Variants in CBFB observed in about 807,000 individuals in gnomAD.
CBFB encodes core-binding factor subunit beta.
In CBFB, 9 loss-of-function variants were observed where a neutral mutation model predicts 30.4. The observed-to-expected ratio is 0.30, with a 90% CI of 0.18 to 0.52. The LOEUF (loss-of-function observed/expected upper bound fraction) is 0.52. Ranked by LOEUF, CBFB falls within the 20% of genes least tolerant of loss-of-function variation. The pLI, the probability that CBFB is intolerant of heterozygous loss-of-function variation, is 0.97. For synonymous variants in CBFB, 94 were observed against 84.0 expected (o/e 1.12, Z -0.65); for missense variants, 170 against 244.0 (o/e 0.70, Z 2.02).
At chr16:67,047,905 C>G (rs1966658141) in intron 3 of CBFB, among the ~76,000 whole-genome samples, 1 of 152,070 alleles carries the variant, frequency 6.6e-6, no homozygotes, top group Admixed American at 6.6e-5. Flanking sequence ...CCCGTCTCTA[C>G]TAGGAATGCA....
In CBFB at chr16:67,072,774, C is replaced by CT. The variant is rs764406221; in HGVS notation, c.399+5989dup. ...AGCCACCATGCCCGGCCTCTTTTTT[C>CT]TTTTTTTTTTTTTAGCGACAGAGTC... On this transcript the variant is annotated intron_variant, in intron 4 of 5. Transcript: ENST00000412916. 2.0e-3 allele frequency among the ~76,000 whole-genome samples: 285 copies of CT among 141,182 alleles called. 2 individuals carry two copies. Among genetic ancestry groups the CT allele is most frequent in the Middle Eastern group, 0.011 (3 of 270 alleles). 92.6% of individuals were successfully genotyped at this position (141,182 alleles called of 152,430 possible). A position where few individuals can be genotyped will look rare whatever the true frequency, so the allele number is the denominator to read the frequency against.
intron 5 of CBFB, among the ~76,000 whole-genome samples, chr16:67,096,752 A>G (rs1962056743): frequency 1.3e-5 from 2 of 151,790 alleles, no homozygotes; most frequent in Non-Finnish European, 2.9e-5. Flanking sequence ...GGGCGGGTGA[A>G]TCACGAGGTC....
intron 4 of CBFB, among the ~76,000 whole-genome samples, chr16:67,075,211 G>A (rs1025815682): frequency 3.2e-4 from 43 of 135,156 alleles, no homozygotes; most frequent in South Asian, 6.8e-4. Context: ...GTGTGTGTGT[G>A]TGTGTGTGTG....
intron 4 of CBFB, among the ~76,000 whole-genome samples, chr16:67,076,687 G>C (rs1961407509): frequency 6.6e-6 from 1 of 152,062 alleles, no homozygotes; most frequent in African/African-American, 2.4e-5. Context: ...TGCCACACTT[G>C]GTTTTTTAAT....
rs1961584997 is a variant in CBFB, at chr16:67,082,285, A to G, written c.472A>G (p.Arg158Gly). ...GACACGCGAATTTGAAGATAGAGAC[A>G]GGTCTCATCGGGAGGAAATGGAGGT... ...RRTREFEDRD[R>G]SHREEMEARR... Residue 158 changes from arginine to glycine, a missense_variant, in exon 5 of 6, where the codon AGG (arginine) becomes GGG (glycine). By Grantham distance (125) the Arg-to-Gly change is moderately radical (BLOSUM62 -2). Coordinates refer to ENST00000412916, the MANE Select transcript of CBFB (RefSeq NM_022845.3). The G allele has an allele frequency of 1.2e-6, 2 of 1,612,224 alleles. No homozygotes were observed. Among genetic ancestry groups the G allele is most frequent in the African/African-American group, 1.3e-5 (1 of 74,904 alleles).
intron 3 of CBFB, among the ~76,000 whole-genome samples, chr16:67,062,685 G>A (rs775402407): frequency 3.3e-5 from 5 of 151,724 alleles, no homozygotes; most frequent in Non-Finnish European, 7.4e-5. Context: ...CCAGCCACTC[G>A]GGAGGCTGAG....
At chr16:67,057,250 A>G (rs967200026) in intron 3 of CBFB, among the ~76,000 whole-genome samples, 16 of 152,074 alleles carry the variant, frequency 1.1e-4, no homozygotes, top group Non-Finnish European at 2.2e-4. Context: ...CCCAAAGCAC[A>G]TGGATTACAG....
At chr16:67,032,862 G>C (rs143311161) in intron 2 of CBFB, among the ~76,000 whole-genome samples, 1 of 152,098 alleles carries the variant, frequency 6.6e-6, no homozygotes, top group Non-Finnish European at 1.5e-5. Context: ...TTCTTATTTG[G>C]AACATCTTCT....
At chr16:67,029,686 C>G (rs763707912) in intron 1 of CBFB, 41 bp from the exon 2 acceptor site, 23 of 1,530,118 alleles carry the variant, frequency 1.5e-5, no homozygotes, top group African/African-American at 2.9e-5. Context: ...CGGGCGGCGC[C>G]GCGGATTTGG....
chr16:67,087,552 C>T (rs546666126), intron 5 of CBFB, among the ~76,000 whole-genome samples: 1 of 152,318 alleles, frequency 6.6e-6, no homozygotes, highest in African/African-American at 2.4e-5. Flanking sequence ...AAGACCCTGT[C>T]TCCCTGACCC....
chr16:67,063,310 T>A (rs1290604566), intron 3 of CBFB, among the ~76,000 whole-genome samples: 3 of 152,194 alleles, frequency 2.0e-5, no homozygotes, highest in South Asian at 4.1e-4. Context: ...TGGAACCTTT[T>A]GTATTTTGGT....
At chr16:67,094,102 T>G (rs1961973957) in intron 5 of CBFB, among the ~76,000 whole-genome samples, 1 of 151,642 alleles carries the variant, frequency 6.6e-6, no homozygotes, top group Non-Finnish European at 1.5e-5. Flanking sequence ...ATTTGTACTG[T>G]TAGACTTCCT....
At chr16:67,091,459 C>A (rs1273078966) in intron 5 of CBFB, among the ~76,000 whole-genome samples, 1 of 152,138 alleles carries the variant, frequency 6.6e-6, no homozygotes, top group East Asian at 1.9e-4. Flanking sequence ...TTGTAAGTTA[C>A]CTCTTCATTT....
intron 3 of CBFB, among the ~76,000 whole-genome samples, chr16:67,049,707 G>A (rs1966705577): frequency 6.6e-6 from 1 of 151,750 alleles, no homozygotes; most frequent in Non-Finnish European, 1.5e-5. Flanking sequence ...GGGTGGTCTC[G>A]AACTCCTGGC....
intron 5 of CBFB, among the ~76,000 whole-genome samples, chr16:67,088,835 T>G (rs896158955): frequency 3.9e-5 from 6 of 152,162 alleles, no homozygotes; most frequent in Non-Finnish European, 8.8e-5. Context: ...CATGCTAAAC[T>G]TGTAACAGTG....
chr16:67,055,215 TA>T (rs992644215), intron 3 of CBFB, among the ~76,000 whole-genome samples: 3 of 152,060 alleles, frequency 2.0e-5, no homozygotes, highest in Admixed American at 2.0e-4. Context: ...GGTGGCAAGT[TA>T]ATACATTTTT....
chr16:67,046,178 C>T (rs1295637692), intron 3 of CBFB, among the ~76,000 whole-genome samples: 1 of 151,998 alleles, frequency 6.6e-6, no homozygotes, highest in Non-Finnish European at 1.5e-5. Context: ...GTGATCTTGG[C>T]TTACTGCAAC....
intron 1 of CBFB, 99 bp downstream of exon 1, chr16:67,029,584 G>C: frequency 7.4e-7 from 1 of 1,357,838 alleles, no homozygotes; most frequent in Non-Finnish European, 1.0e-6. Context: ...AGTCCCGGTC[G>C]GTGCGCCCGC....
chr16:67,050,527 G>T (rs958647572), intron 3 of CBFB, among the ~76,000 whole-genome samples: 1 of 152,048 alleles, frequency 6.6e-6, no homozygotes, highest in Non-Finnish European at 1.5e-5. Flanking sequence ...GGGCAAGGCT[G>T]CTCACAGCTA....
Sources: gnomAD v4.1 joint callset for allele counts (sites outside exome capture counted in the v4.1 genomes callset) on GRCh38, gnomAD v4.1.1 for gene constraint, MANE v1.5 for transcripts, NCBI Gene and HGNC (gene_info 2026-07-23, HGNC 2026-07-21) for gene names.